WWOX: variants seen among roughly 807,000 people sequenced by gnomAD.
WWOX encodes the protein WW domain-containing oxidoreductase.
A neutral mutation model predicts 46.2 loss-of-function variants in WWOX; 69 were observed. The ratio of observed to expected loss-of-function variants is 1.49; its 90% CI spans 1.23 to 1.82. The LOEUF (loss-of-function observed/expected upper bound fraction) is 1.82. Among genes scored for constraint, WWOX ranks in the 40% most tolerant of loss-of-function variants. The probability of loss-of-function intolerance (pLI) is 0.00; values close to 1 mark genes in which losing one functional copy is unlikely to be tolerated. For synonymous variants in WWOX, 359 were observed against 202.6 expected (o/e 1.77, Z -6.56); for missense variants, 919 against 542.6 (o/e 1.69, Z -6.89).
chr16:78,154,725 T>C (rs1031777619), intron 4 of WWOX, among the ~76,000 whole-genome samples: 1 of 152,060 alleles, frequency 6.6e-6, no homozygotes, highest in African/African-American at 2.4e-5. Context: ...TTCCAAGGCA[T>C]AGCTAGCATC....
At chr16:78,878,865 G>C (rs1597097102) in intron 8 of WWOX, among the ~76,000 whole-genome samples, 1 of 143,010 alleles carries the variant, frequency 7.0e-6, no homozygotes. Context: ...AGACCAGCCT[G>C]GGCAAGATAG....
chr16:79,104,111 A>C (rs1454207957), intron 8 of WWOX, among the ~76,000 whole-genome samples: 1 of 146,532 alleles, frequency 6.8e-6, no homozygotes, highest in Non-Finnish European at 1.5e-5. Flanking sequence ...TTTCTTTTTC[A>C]GCCCTGGGAG....
chr16:78,703,239 C>G (rs1441135199), intron 8 of WWOX, among the ~76,000 whole-genome samples: 2 of 152,096 alleles, frequency 1.3e-5, no homozygotes. Flanking sequence ...CATAACTACC[C>G]ACATTCACCC....
intron 8 of WWOX, among the ~76,000 whole-genome samples, chr16:78,704,212 A>G (rs1597466848): frequency 6.6e-6 from 1 of 151,934 alleles, no homozygotes; most frequent in African/African-American, 2.4e-5. Flanking sequence ...ACATCTGTCT[A>G]TAAAATGGAA....
intron 8 of WWOX, among the ~76,000 whole-genome samples, chr16:79,184,796 C>T (rs2050981340): frequency 6.6e-6 from 1 of 152,148 alleles, no homozygotes. Context: ...TTAATTCCTC[C>T]AGCTAATTTA....
At chr16:78,811,704 C>T (rs1246838951) in intron 8 of WWOX, among the ~76,000 whole-genome samples, 1 of 152,118 alleles carries the variant, frequency 6.6e-6, no homozygotes, top group East Asian at 1.9e-4. Context: ...TACTAATCCC[C>T]TCATGAGGGG....
intron 6 of WWOX, among the ~76,000 whole-genome samples, chr16:78,419,463 G>C (rs763816219): frequency 4.6e-5 from 7 of 151,940 alleles, no homozygotes; most frequent in Non-Finnish European, 8.8e-5. Flanking sequence ...ATAGACTTGA[G>C]AGTCCAGAAA....
intron 8 of WWOX, among the ~76,000 whole-genome samples, chr16:78,677,329 A>G (rs1044141758): frequency 7.2e-5 from 11 of 152,296 alleles, no homozygotes; most frequent in African/African-American, 2.6e-4. Context: ...AGAGGTTGAA[A>G]ACTCAATGTT....
intron 8 of WWOX, among the ~76,000 whole-genome samples, chr16:78,835,856 C>G (rs1554979): frequency 2.9e-4 from 44 of 152,166 alleles, no homozygotes; most frequent in Middle Eastern, 3.4e-3. Context: ...AATCTGAATT[C>G]AACATATTTA....
intron 8 of WWOX, among the ~76,000 whole-genome samples, chr16:78,917,419 T>G (rs56223955): frequency 0.017 from 2,610 of 152,280 alleles, 32 homozygotes; most frequent in Non-Finnish European, 0.026. Flanking sequence ...CTGACCTGCA[T>G]TCGTGTAGGA....
At chr16:78,702,381 A>G (rs1175288189) in intron 8 of WWOX, among the ~76,000 whole-genome samples, 3 of 151,918 alleles carry the variant, frequency 2.0e-5, no homozygotes, top group Non-Finnish European at 2.9e-5. Context: ...TGGGCATGGT[A>G]GCTCACGCCT....
At chr16:78,389,881 C>A (rs898242409) in intron 6 of WWOX, among the ~76,000 whole-genome samples, 4 of 152,194 alleles carry the variant, frequency 2.6e-5, no homozygotes, top group African/African-American at 7.2e-5. Flanking sequence ...TCCAGAGTAG[C>A]TGGGATTACA....
At chr16:78,866,180 A>G (rs574087236) in intron 8 of WWOX, among the ~76,000 whole-genome samples, 5 of 152,280 alleles carry the variant, frequency 3.3e-5, no homozygotes, top group Admixed American at 1.3e-4. Flanking sequence ...TAGTAGTTGT[A>G]TTATGAAAAC....
At chr16:78,362,484 C>T (rs974806438) in intron 5 of WWOX, among the ~76,000 whole-genome samples, 5 of 152,232 alleles carry the variant, frequency 3.3e-5, no homozygotes, top group African/African-American at 9.6e-5. Context: ...TGGCAGGCAT[C>T]TGTTGTTCCA....
chr16:78,352,451 G>T (rs993454780), intron 5 of WWOX, among the ~76,000 whole-genome samples: 1 of 152,060 alleles, frequency 6.6e-6, no homozygotes, highest in African/African-American at 2.4e-5. Context: ...CAGCTTCCAG[G>T]GACTGCCCAA....
At chr16:78,960,983 C>G (rs1052471004) in intron 8 of WWOX, among the ~76,000 whole-genome samples, 3 of 152,268 alleles carry the variant, frequency 2.0e-5, no homozygotes, top group African/African-American at 7.2e-5. Context: ...AATGTATTCT[C>G]CATGGAGTAT....
intron 8 of WWOX, among the ~76,000 whole-genome samples, chr16:78,528,141 G>C (rs570817444): frequency 6.9e-6 from 1 of 144,188 alleles, no homozygotes; most frequent in Admixed American, 7.0e-5. Context: ...TGGGACTACA[G>C]GTGCCCGCCA....
chr16:78,271,564 G>A (rs4527029), intron 5 of WWOX, among the ~76,000 whole-genome samples: 8,164 of 152,252 alleles, frequency 0.054, 414 homozygotes, highest in East Asian at 0.25. Context: ...ATTCAAGTAA[G>A]CATCTCTTCT....
rs556045337 is a variant in WWOX, at chr16:78,746,126, C to T, written c.1056+313374C>T. 5.3e-5 allele frequency among the ~76,000 whole-genome samples: 8 copies of T among 152,242 alleles called. 1 individual carries two copies. The highest frequency in any genetic ancestry group is 1.9e-4 in the East Asian group (1 of 5,166). ...CAGCATGTGATTTGTCCAAGGACAT[C>T]GTTTTGATATGATGAACCATGGGTG... On this transcript the variant is annotated intron_variant, in intron 8 of 8. Coordinates refer to ENST00000566780, the MANE Select transcript of WWOX (RefSeq NM_016373.4).
Sources: gnomAD v4.1 joint callset for allele counts (sites outside exome capture counted in the v4.1 genomes callset) on GRCh38, gnomAD v4.1.1 for gene constraint, MANE v1.5 for transcripts, NCBI Gene and HGNC (gene_info 2026-07-23, HGNC 2026-07-21) for gene names.